The following LRRC2 variants were observed in gnomAD, a reference collection of about 807,000 sequenced individuals.
The protein encoded by LRRC2 is leucine rich repeat containing 2.
In LRRC2, 27 loss-of-function variants were observed where a neutral mutation model predicts 40.2. The ratio of observed to expected loss-of-function variants is 0.67; its 90% CI spans 0.49 to 0.93. The LOEUF (loss-of-function observed/expected upper bound fraction) is 0.93. Ranked by LOEUF, LRRC2 falls within the 40% of genes least tolerant of loss-of-function variation. The pLI, the probability that LRRC2 is intolerant of heterozygous loss-of-function variation, is 0.00. For synonymous variants in LRRC2, 147 were observed against 158.9 expected, an observed-to-expected ratio of 0.92 and a Z score of 0.56; for missense variants, 402 against 439.6, an observed-to-expected ratio of 0.91 and a Z score of 0.76.
chr3:46,530,656 G>A (rs1384574116), intron 5 of LRRC2, among the ~76,000 whole-genome samples: 2 of 152,232 alleles, frequency 1.3e-5, no homozygotes, highest in African/African-American at 4.8e-5. Flanking sequence ...GAAGGCAAAG[G>A]AGAAGCGAAG....
intron 5 of LRRC2, among the ~76,000 whole-genome samples, chr3:46,531,398 G>A (rs1575347795): frequency 6.6e-6 from 1 of 152,122 alleles, no homozygotes; most frequent in East Asian, 1.9e-4. Flanking sequence ...AATAAAGGAG[G>A]AAAAGGTAGA....
intron 1 of LRRC2, among the ~76,000 whole-genome samples, chr3:46,555,923 T>C (rs1704781827): frequency 6.6e-6 from 1 of 152,236 alleles, no homozygotes; most frequent in African/African-American, 2.4e-5. Context: ...GTCTTTTTCT[T>C]ACCTCCATTC....
intron 1 of LRRC2, among the ~76,000 whole-genome samples, chr3:46,553,995 TTTCA>T (rs1704727909): frequency 1.3e-5 from 2 of 151,760 alleles, no homozygotes; most frequent in South Asian, 4.2e-4. Flanking sequence ...GTTGTTGTTG[TTTCA>T]TTGGTTGTTG....
At chr3:46,543,380 G>A (rs940673951) in intron 3 of LRRC2, among the ~76,000 whole-genome samples, 4 of 152,146 alleles carry the variant, frequency 2.6e-5, no homozygotes, top group Non-Finnish European at 4.4e-5. Context: ...ACTTTGGGAG[G>A]CCGAGGCGGG....
intron 1 of LRRC2, among the ~76,000 whole-genome samples, chr3:46,555,336 T>C (rs763032980): frequency 5.9e-5 from 9 of 152,168 alleles, no homozygotes; most frequent in Non-Finnish European, 8.8e-5. Flanking sequence ...GATGTATGTA[T>C]GCCATTTATA....
At position 46,548,165 on chromosome 3, in the gene LRRC2, A is replaced by G. The variant is rs568146120; in HGVS notation, c.126-2912T>C. On this transcript the variant is annotated intron_variant, in intron 2 of 8. Transcript: ENST00000395905. ...CATCCCTATGTAATATATCATTCCT[A>G]TAGCACATATTACAAATTGTTATAA... Among the ~76,000 whole-genome samples, 10 of 152,348 alleles carry G rather than the reference A, an allele frequency of 6.6e-5. No homozygotes were observed. The South Asian group carries it at 2.1e-3, about 32-fold the overall frequency.
chr3:46,560,540 A>G (rs1399308573), intron 1 of LRRC2, among the ~76,000 whole-genome samples: 1 of 152,206 alleles, frequency 6.6e-6, no homozygotes, highest in East Asian at 1.9e-4. Flanking sequence ...CCCTCAATAC[A>G]AACAAAGCAA....
intron 3 of LRRC2, among the ~76,000 whole-genome samples, 197 bp downstream of exon 3, chr3:46,544,849 G>C (rs1178501025): frequency 6.6e-6 from 1 of 152,204 alleles, no homozygotes; most frequent in African/African-American, 2.4e-5. Context: ...GAGAGGGCAC[G>C]TGCATCCCAG....
Position 46,516,532 on chromosome 3 carries a change from G to A in LRRC2, c.*2482C>T, listed in dbSNP as rs1703865182. The A allele has an allele frequency of 1.3e-5, 2 of 152,174 alleles. No homozygotes were observed. The highest frequency in any genetic ancestry group is 2.9e-5 in the Non-Finnish European group (2 of 68,050). The allele number at this position is 152,174 out of a possible 1,614,324, so 9.4% of individuals were successfully genotyped here. ...AAAAAACAAATAACTAGCTAGACCT[G>A]TTCAGGAGTATGGTAGCCACATGTG... is the stretch of plus-strand genomic sequence containing the variant. On this transcript the variant is annotated 3_prime_UTR_variant, in exon 9 of 9. Transcript: ENST00000395905.
intron 1 of LRRC2, 49 bp from the exon 2 acceptor site, chr3:46,551,659 CA>C (rs1379431258): frequency 6.0e-6 from 8 of 1,336,398 alleles, no homozygotes; most frequent in Middle Eastern, 2.0e-4. Flanking sequence ...AAACAGAAAA[CA>C]GTTTTAACAT....
Position 46,518,983 on chromosome 3 carries a change from A to T in LRRC2, c.*31T>A. On this transcript the variant is annotated 3_prime_UTR_variant, in exon 9 of 9. Transcript: ENST00000395905. ...CAAAGATTTATATATAGCTCCAGAG[A>T]ATAGTGAGATTTGCAGTCTTCTGAT... 2.1e-6 allele frequency: 3 copies of T among 1,448,806 alleles called. No individual in the cohort carries two copies. Among genetic ancestry groups the T allele is most frequent in the Non-Finnish European group, 2.9e-6 (3 of 1,029,568 alleles). 89.7% of individuals were successfully genotyped at this position (1,448,806 alleles called of 1,614,324 possible).
intron 1 of LRRC2, among the ~76,000 whole-genome samples, chr3:46,561,873 T>C (rs562687050): frequency 3.2e-4 from 49 of 152,270 alleles, no homozygotes; most frequent in African/African-American, 1.1e-3. Context: ...ATACCCCAGC[T>C]TGGTCCCCAG....
chr3:46,528,914 C>T (rs575902419), intron 6 of LRRC2, among the ~76,000 whole-genome samples: 153 of 152,020 alleles, frequency 1.0e-3, no homozygotes, highest in Non-Finnish European at 1.8e-3. Flanking sequence ...GAATTCAAGA[C>T]CAGCCTGGGT....
At chr3:46,519,768 G>A (rs1329734883) in intron 8 of LRRC2, among the ~76,000 whole-genome samples, 1 of 152,184 alleles carries the variant, frequency 6.6e-6, no homozygotes, top group Admixed American at 6.5e-5. Flanking sequence ...ACACAAAGTT[G>A]TAGGCCCTTG....
At chr3:46,554,604 C>T (rs2037389) in intron 1 of LRRC2, among the ~76,000 whole-genome samples, 93,412 of 149,212 alleles carry the variant, frequency 0.63, 29,796 homozygotes, top group East Asian at 0.93. Context: ...ATCGTACCAG[C>T]GCACTCCAGT....
At position 46,539,187 on chromosome 3, in the gene LRRC2, T is replaced by C. The variant is rs1704332952; in HGVS notation, c.348A>G (p.Ser116=). The change falls in exon 4 of 9, where the codon TCA becomes TCG. Residue 116 remains serine, a synonymous_variant. Transcript: ENST00000395905. ...CTCTCAGGTGTGTCTGCTCCTTCAA[T>C]GAATCTGGGAGCTCCTAAAATAGAA... The part of the protein sequence containing the change: ...SGEHWTELPD[S]LKEQTHLREW... 6.2e-7 allele frequency: 1 copy of C among 1,613,680 alleles called. No homozygotes were observed. Among genetic ancestry groups the C allele is most frequent in the African/African-American group, 1.3e-5 (1 of 74,910 alleles).
At chr3:46,538,975 T>C in intron 4 of LRRC2, 70 bp downstream of exon 4, 1 of 1,506,490 alleles carries the variant, frequency 6.6e-7, no homozygotes, top group African/African-American at 1.4e-5. Context: ...CTGCACAGTG[T>C]CTGTCACCTG....
At chr3:46,530,435 C>A (rs996830336) in intron 5 of LRRC2, among the ~76,000 whole-genome samples, 8 of 152,076 alleles carry the variant, frequency 5.3e-5, no homozygotes, top group African/African-American at 1.9e-4. Flanking sequence ...CAAAAATTAA[C>A]CAGATGTGCT....
In LRRC2 at chr3:46,538,569, G is replaced by T. The variant is rs557120656; in HGVS notation, c.490+476C>A. 3.3e-5 allele frequency among the ~76,000 whole-genome samples: 5 copies of T among 152,278 alleles called. No individual in the cohort carries two copies. The East Asian group carries it at 7.7e-4, about 24-fold the overall frequency. On this transcript the variant is annotated intron_variant, in intron 4 of 8. Transcript: ENST00000395905. ...GAATCACTTGAACCAGGGAGGCAGA[G>T]GTTGCAGTGAGCCGAGATTGTGCCA...
Sources: gnomAD v4.1 joint callset for allele counts (sites outside exome capture counted in the v4.1 genomes callset) on GRCh38, gnomAD v4.1.1 for gene constraint, MANE v1.5 for transcripts, NCBI Gene and HGNC (gene_info 2026-07-23, HGNC 2026-07-21) for gene names.